The following ZNF385B variants were observed in gnomAD, a reference collection of about 807,000 sequenced individuals.
ZNF385B encodes zinc finger protein 533.
Under a neutral mutation model 39.2 loss-of-function variants are expected in ZNF385B, and 23 were observed. The observed-to-expected ratio is 0.59, with a 90% CI of 0.42 to 0.83. ZNF385B has a LOEUF of 0.83. Among genes scored for constraint, ZNF385B ranks in the 40% least tolerant of loss-of-function variants. The probability of loss-of-function intolerance (pLI) is 0.00; values close to 1 mark genes in which losing one functional copy is unlikely to be tolerated. For synonymous variants in ZNF385B, 205 were observed against 222.6 expected, an observed-to-expected ratio of 0.92 and a Z score of 0.70; for missense variants, 552 against 598.9, an observed-to-expected ratio of 0.92 and a Z score of 0.82.
At chr2:179,495,899 G>C (rs1382426536) in intron 5 of ZNF385B, among the ~76,000 whole-genome samples, 1 of 152,084 alleles carries the variant, frequency 6.6e-6, no homozygotes, top group Non-Finnish European at 1.5e-5. Context: ...AATAAGCCCA[G>C]GCAGTGAAGA....
Position 179,754,787 on chromosome 2 carries a change from T to C in ZNF385B, c.298+14716A>G, listed in dbSNP as rs553789630. Reference sequence around the variant, plus strand: ...GGGATCGGTGGTGATATCCCCTTTATCATTTTTTATTATGTCTATTTGATT... The same window carrying C: ...GGGATCGGTGGTGATATCCCCTTTACCATTTTTTATTATGTCTATTTGATT... On this transcript the variant is annotated intron_variant, in intron 3 of 9. Transcript: ENST00000410066. Among the ~76,000 whole-genome samples, 8 of 152,296 alleles carry C rather than the reference T, an allele frequency of 5.3e-5. No homozygotes were observed. In the South Asian group the frequency reaches 8.3e-4, roughly 16 times the overall value.
chr2:179,542,325 G>A (rs185660102), intron 4 of ZNF385B, among the ~76,000 whole-genome samples: 2 of 152,086 alleles, frequency 1.3e-5, no homozygotes, highest in Non-Finnish European at 1.5e-5. Flanking sequence ...TACTAGAAGG[G>A]CTCCTGTTTG....
chr2:179,455,089 A>C (rs1246407224), intron 6 of ZNF385B, among the ~76,000 whole-genome samples: 2 of 152,138 alleles, frequency 1.3e-5, no homozygotes, highest in Non-Finnish European at 2.9e-5. Context: ...CACCTCTACA[A>C]GTTCCATTCA....
At chr2:179,676,191 C>T (rs1267761056) in intron 3 of ZNF385B, among the ~76,000 whole-genome samples, 2 of 144,202 alleles carry the variant, frequency 1.4e-5, no homozygotes, top group Non-Finnish European at 3.1e-5. Flanking sequence ...CGGGTTCATG[C>T]CATTCTCCTG....
At chr2:179,497,665 A>G (rs993316213) in intron 5 of ZNF385B, among the ~76,000 whole-genome samples, 4 of 152,036 alleles carry the variant, frequency 2.6e-5, no homozygotes, top group African/African-American at 9.7e-5. Flanking sequence ...GGAAGAGAAG[A>G]CCATAAAACA....
At chr2:179,656,916 A>G (rs1693835912) in intron 3 of ZNF385B, among the ~76,000 whole-genome samples, 1 of 152,190 alleles carries the variant, frequency 6.6e-6, no homozygotes, top group African/African-American at 2.4e-5. Flanking sequence ...CTTATTGCTT[A>G]CAATTGTATG....
chr2:179,518,486 G>T, intron 5 of ZNF385B, 42 bp downstream of exon 5: 1 of 1,375,698 alleles, frequency 7.3e-7, no homozygotes, highest in Non-Finnish European at 1.0e-6. Flanking sequence ...CAGACTTTTA[G>T]CTCTGACAAA....
At chr2:179,677,455 A>T (rs1402127389) in intron 3 of ZNF385B, among the ~76,000 whole-genome samples, 2 of 152,232 alleles carry the variant, frequency 1.3e-5, no homozygotes, top group Non-Finnish European at 2.9e-5. Context: ...CAATGTTGGT[A>T]TTCATAAGGA....
At chr2:179,640,391 G>A (rs1208841445) in intron 3 of ZNF385B, among the ~76,000 whole-genome samples, 3 of 151,852 alleles carry the variant, frequency 2.0e-5, no homozygotes, top group African/African-American at 7.3e-5. Flanking sequence ...ATTCTCAAAT[G>A]ATTCAGCATG....
intron 3 of ZNF385B, among the ~76,000 whole-genome samples, chr2:179,705,723 A>G (rs1699542886): frequency 6.6e-6 from 1 of 152,244 alleles, no homozygotes; most frequent in Non-Finnish European, 1.5e-5. Context: ...TCTATAACAG[A>G]TCAGAGAGCA....
At chr2:179,726,454 T>C (rs112165265) in intron 3 of ZNF385B, among the ~76,000 whole-genome samples, 8 of 152,106 alleles carry the variant, frequency 5.3e-5, no homozygotes, top group African/African-American at 1.9e-4. Flanking sequence ...GCAGTTATTT[T>C]CTGGGCCTCT....
At chr2:179,614,202 G>A (rs939573939) in intron 3 of ZNF385B, among the ~76,000 whole-genome samples, 1 of 152,112 alleles carries the variant, frequency 6.6e-6, no homozygotes, top group Non-Finnish European at 1.5e-5. Flanking sequence ...CGGATTTTTT[G>A]CTTTTATGAA....
intron 1 of ZNF385B, among the ~76,000 whole-genome samples, chr2:179,839,449 T>C (rs1256543379): frequency 6.6e-6 from 1 of 152,266 alleles, no homozygotes; most frequent in Non-Finnish European, 1.5e-5. Flanking sequence ...TTAAACTTAA[T>C]ATTCCATGCC....
At chr2:179,736,660 A>G (rs1299625643) in intron 3 of ZNF385B, among the ~76,000 whole-genome samples, 2 of 152,148 alleles carry the variant, frequency 1.3e-5, no homozygotes, top group African/African-American at 4.8e-5. Context: ...CTTCCAATCA[A>G]TAGAAACACT....
intron 1 of ZNF385B, among the ~76,000 whole-genome samples, chr2:179,797,391 A>G (rs777862873): frequency 3.9e-5 from 6 of 152,178 alleles, no homozygotes; most frequent in Non-Finnish European, 8.8e-5. Flanking sequence ...ACATAACCAC[A>G]CAATATGTCA....
intron 4 of ZNF385B, among the ~76,000 whole-genome samples, chr2:179,526,248 T>C (rs939127914): frequency 2.6e-5 from 4 of 151,504 alleles, no homozygotes; most frequent in Non-Finnish European, 5.9e-5. Context: ...AGGCTGGAAC[T>C]ATAGAACTTT....
At chr2:179,695,126 T>G (rs1356012848) in intron 3 of ZNF385B, among the ~76,000 whole-genome samples, 1 of 152,176 alleles carries the variant, frequency 6.6e-6, no homozygotes, top group Non-Finnish European at 1.5e-5. Flanking sequence ...GTGGTTAATT[T>G]GAGTTGGTAA....
intron 1 of ZNF385B, among the ~76,000 whole-genome samples, chr2:179,771,460 C>G (rs1315425370): frequency 6.6e-6 from 1 of 152,128 alleles, no homozygotes; most frequent in East Asian, 1.9e-4. Context: ...CCTGATAATG[C>G]CATTTTAAAG....
At chr2:179,500,354 C>T (rs2056644315) in intron 5 of ZNF385B, among the ~76,000 whole-genome samples, 1 of 152,026 alleles carries the variant, frequency 6.6e-6, no homozygotes, top group African/African-American at 2.4e-5. Context: ...CATTATCTAA[C>T]TTCAAATTAT....
Sources: gnomAD v4.1 joint callset for allele counts (sites outside exome capture counted in the v4.1 genomes callset) on GRCh38, gnomAD v4.1.1 for gene constraint, MANE v1.5 for transcripts, NCBI Gene and HGNC (gene_info 2026-07-23, HGNC 2026-07-21) for gene names.